Variants in SHROOM3 observed in about 807,000 individuals in gnomAD.
SHROOM3 encodes the protein shroom family member 3, also known as protein Shroom3.
Under a neutral mutation model 138.6 loss-of-function variants are expected in SHROOM3, and 47 were observed. The observed-to-expected ratio is 0.34, with a 90% confidence interval of 0.27 to 0.43. The LOEUF (loss-of-function observed/expected upper bound fraction) is 0.43. Among genes scored for constraint, SHROOM3 ranks in the 20% least tolerant of loss-of-function variants. The pLI is 1.00. For synonymous variants in SHROOM3, 1,062 were observed against 1,063.3 expected (o/e 1.00, Z 0.02); for missense variants, 2,491 against 2,596.5 (o/e 0.96, Z 0.88).
chr4:76,735,391 C>A (rs140121305), intron 4 of SHROOM3, among the ~76,000 whole-genome samples: 2 of 152,090 alleles, frequency 1.3e-5, no homozygotes, highest in Non-Finnish European at 2.9e-5. Context: ...AGGGACAGAA[C>A]CCTCTCCGGG....
chr4:76,553,416 C>T (rs1733408653), intron 1 of SHROOM3, among the ~76,000 whole-genome samples: 1 of 152,182 alleles, frequency 6.6e-6, no homozygotes, highest in Non-Finnish European at 1.5e-5. Context: ...GCTGGGATTA[C>T]AGGCATGCAC....
intron 1 of SHROOM3, among the ~76,000 whole-genome samples, chr4:76,491,068 TTTTGAACTGTGG>T (rs1180500650): frequency 1.3e-5 from 2 of 152,340 alleles, no homozygotes; most frequent in Admixed American, 1.3e-4. Context: ...GTTTGGCAAC[TTTTGAACTGTGG>T]TCTGACTGTG....
chr4:76,667,050 T>C (rs538053666), intron 2 of SHROOM3, among the ~76,000 whole-genome samples: 1 of 152,326 alleles, frequency 6.6e-6, no homozygotes, highest in East Asian at 1.9e-4. Context: ...GAAAGTAGAA[T>C]GGTGGTTGGC....
rs1316422797 is a variant in SHROOM3, at chr4:76,779,210, G to A, written c.*33G>A. 6.4e-7 allele frequency: 1 copy of A among 1,570,558 alleles called. No individual in the cohort carries two copies. Among genetic ancestry groups the A allele is most frequent in the Non-Finnish European group, 8.6e-7 (1 of 1,158,902 alleles). On this transcript the variant is annotated 3_prime_UTR_variant, in exon 11 of 11. Transcript: ENST00000296043. ...TAAAATACCCAACCAAAAGATCACTGTTTCTCTCAACACTATTTAATCTGA... is the reference window on the plus strand; with the variant it reads ...TAAAATACCCAACCAAAAGATCACTATTTCTCTCAACACTATTTAATCTGA...
chr4:76,713,147 C>T lies in SHROOM3; in HGVS notation c.455+2860C>T, dbSNP rs941297334. 1.3e-4 allele frequency among the ~76,000 whole-genome samples: 20 copies of T among 152,288 alleles called. No homozygotes were observed. The East Asian group carries it at 1.3e-3, about 10-fold the overall frequency. ...ACTGCTTTACTGTACACTGAGGCTA[C>T]GCCAAATTTATTTAAAATTTTTTCT... is the stretch of plus-strand genomic sequence containing the variant. On this transcript the variant is annotated intron_variant, in intron 3 of 10. Coordinates refer to ENST00000296043, the MANE Select transcript of SHROOM3 (RefSeq NM_020859.4).
chr4:76,698,659 G>T (rs184944222), intron 2 of SHROOM3, among the ~76,000 whole-genome samples: 5 of 152,224 alleles, frequency 3.3e-5, no homozygotes, highest in East Asian at 1.9e-4. Context: ...AAAAGCTGGG[G>T]CCAAACTCAT....
chr4:76,571,211 G>T (rs1733827045), intron 2 of SHROOM3, among the ~76,000 whole-genome samples: 1 of 152,202 alleles, frequency 6.6e-6, no homozygotes. Flanking sequence ...TTGCAAGAGG[G>T]CAGTCTTATC....
At chr4:76,680,491 T>G (rs1719161020) in intron 2 of SHROOM3, among the ~76,000 whole-genome samples, 1 of 152,144 alleles carries the variant, frequency 6.6e-6, no homozygotes, top group African/African-American at 2.4e-5. Flanking sequence ...TTCTCTGAAA[T>G]TTTGCTCGGG....
chr4:76,612,599 A>T (rs1734786137), intron 2 of SHROOM3, among the ~76,000 whole-genome samples: 1 of 152,216 alleles, frequency 6.6e-6, no homozygotes, highest in Non-Finnish European at 1.5e-5. Flanking sequence ...AATGTAGTAT[A>T]ATAATGATAT....
intron 2 of SHROOM3, among the ~76,000 whole-genome samples, chr4:76,581,832 T>A (rs1029274945): frequency 1.3e-5 from 2 of 152,212 alleles, no homozygotes; most frequent in African/African-American, 4.8e-5. Flanking sequence ...GCTAAACTAA[T>A]CGTGAACCCC....
rs570986693 is a variant in SHROOM3, at chr4:76,611,103, AGT to A, written c.323+55343_323+55344del. Among the ~76,000 whole-genome samples, 17 of 152,284 alleles carry A rather than the reference AGT, an allele frequency of 1.1e-4. No individual in the cohort carries two copies. The East Asian group carries it at 2.9e-3, about 26-fold the overall frequency. On this transcript the variant is annotated intron_variant, in intron 2 of 10. Transcript: ENST00000296043. Reference sequence around the variant, plus strand: ...TAAATTGACCATTTTAACCATTTTAAGTGTATAATTTGGTGGCATTAAGCACC... The same window carrying A: ...TAAATTGACCATTTTAACCATTTTAAGTATAATTTGGTGGCATTAAGCACC...
At chr4:76,567,574 C>T (rs1237168700) in intron 2 of SHROOM3, among the ~76,000 whole-genome samples, 6 of 152,116 alleles carry the variant, frequency 3.9e-5, no homozygotes, top group Non-Finnish European at 5.9e-5. Context: ...GGCGTGAACC[C>T]GGAAGGCAGA....
intron 1 of SHROOM3, among the ~76,000 whole-genome samples, chr4:76,470,594 C>T (rs762106723): frequency 3.0e-4 from 45 of 152,044 alleles, no homozygotes; most frequent in Admixed American, 3.0e-3. Flanking sequence ...CCACATTTTA[C>T]AAAACAGTCT....
At chr4:76,727,695 C>T (rs796152467) in intron 3 of SHROOM3, among the ~76,000 whole-genome samples, 8 of 152,162 alleles carry the variant, frequency 5.3e-5, no homozygotes, top group African/African-American at 1.9e-4. Flanking sequence ...CAAGACCAGC[C>T]TGGCCAATAT....
Position 76,748,814 on chromosome 4 carries a change from C to CTT in SHROOM3, c.3754-181_3754-180dup, listed in dbSNP as rs34047499. On this transcript the variant is annotated intron_variant, in intron 5 of 10. Coordinates refer to ENST00000296043, the MANE Select transcript of SHROOM3 (RefSeq NM_020859.4). ...GACTGAAGTTCAAATTCTGACTCTGCTTTTTTTTTTTTTTTTTTTTTTTAA... is the reference window on the plus strand; with the variant it reads ...GACTGAAGTTCAAATTCTGACTCTGCTTTTTTTTTTTTTTTTTTTTTTTTTAA... 8.9e-3 allele frequency among the ~76,000 whole-genome samples: 893 copies of CTT among 100,388 alleles called. 9 individuals carry two copies. The highest frequency in any genetic ancestry group is 0.03 in the African/African-American group (654 of 21,862). The allele number at this position is 100,388 out of a possible 152,430, so 65.9% of individuals were successfully genotyped here. A position where few individuals can be genotyped will look rare whatever the true frequency, so the allele number is the denominator to read the frequency against.
At chr4:76,458,231 A>G (rs907078497) in intron 1 of SHROOM3, among the ~76,000 whole-genome samples, 7 of 152,244 alleles carry the variant, frequency 4.6e-5, no homozygotes, top group African/African-American at 1.7e-4. Context: ...TTGCCAAGTA[A>G]CATGCCTAGT....
intron 2 of SHROOM3, among the ~76,000 whole-genome samples, chr4:76,682,996 T>C (rs889627361): frequency 6.6e-6 from 1 of 152,220 alleles, no homozygotes; most frequent in Non-Finnish European, 1.5e-5. Flanking sequence ...GCTGGTGGCA[T>C]ATAAATCTGA....
intron 1 of SHROOM3, among the ~76,000 whole-genome samples, chr4:76,508,324 T>C (rs909030219): frequency 5.3e-5 from 8 of 152,238 alleles, no homozygotes; most frequent in Non-Finnish European, 1.2e-4. Context: ...CTTTTCCCCA[T>C]TTAATTTTCT....
intron 2 of SHROOM3, among the ~76,000 whole-genome samples, chr4:76,579,854 C>A (rs1734014418): frequency 6.6e-6 from 1 of 152,188 alleles, no homozygotes; most frequent in South Asian, 2.1e-4. Flanking sequence ...GATTTTTAAT[C>A]CTAAATCGGG....
Sources: gnomAD v4.1 joint callset for allele counts (sites outside exome capture counted in the v4.1 genomes callset) on GRCh38, gnomAD v4.1.1 for gene constraint, MANE v1.5 for transcripts, NCBI Gene and HGNC (gene_info 2026-07-23, HGNC 2026-07-21) for gene names.